UVRAG: variants seen among roughly 807,000 people sequenced by gnomAD.
UVRAG encodes UV radiation resistance-associated gene protein.
Under a neutral mutation model 78.0 loss-of-function variants are expected in UVRAG, and 19 were observed. The observed-to-expected ratio is 0.24, with a 90% CI of 0.17 to 0.36. The LOEUF is 0.36. Among genes scored for constraint, UVRAG ranks in the 10% least tolerant of loss-of-function variants. The pLI, the probability that UVRAG is intolerant of heterozygous loss-of-function variation, is 1.00. For synonymous variants in UVRAG, 323 were observed against 324.6 expected (o/e 1.00, Z 0.05); for missense variants, 740 against 853.8 (o/e 0.87, Z 1.66).
Position 76,003,257 on chromosome 11 carries a change from ATTTTTTTTTTTTTTT to A in UVRAG, c.827-731_827-717del, listed in dbSNP as rs398045280. 8.0e-4 allele frequency among the ~76,000 whole-genome samples: 43 copies of A among 53,788 alleles called. 1 individual carries two copies. In the South Asian group the frequency reaches 9.1e-3, roughly 11 times the overall value. 35.3% of individuals were successfully genotyped at this position (53,788 alleles called of 152,430 possible). On this transcript the variant is annotated intron_variant, in intron 8 of 14. Coordinates refer to ENST00000356136, the MANE Select transcript of UVRAG (RefSeq NM_003369.4). ...CACTATGATTTTCACGAAAATACTG[ATTTTTTTTTTTTTTT>A]TTTTTTTTTTTTTTTTGGAGACAGA... is the stretch of plus-strand genomic sequence containing the variant.
chr11:76,009,367 C>A (rs1242494951), intron 11 of UVRAG, among the ~76,000 whole-genome samples: 2 of 152,094 alleles, frequency 1.3e-5, no homozygotes, highest in African/African-American at 2.4e-5. Context: ...AAAGAAATTA[C>A]ATTAAAGGTA....
rs1282880603 is a variant in UVRAG, at chr11:75,815,392, C to T, written c.-16C>T. 4 of 1,216,258 alleles carry T rather than the reference C, an allele frequency of 3.3e-6. No homozygotes were observed. Among genetic ancestry groups the T allele is most frequent in the South Asian group, 3.5e-5 (1 of 28,918 alleles). 75.3% of individuals were successfully genotyped at this position (1,216,258 alleles called of 1,614,324 possible). On this transcript the variant is annotated 5_prime_UTR_variant, in exon 1 of 15. Transcript: ENST00000356136. ...GAAGAGTGCCCGCCCCGCCGCTTGG[C>T]GGCCCCTGGATCGAGATGAGCGCCT... is the stretch of plus-strand genomic sequence containing the variant.
chr11:76,001,932 G>A (rs1176573581), intron 8 of UVRAG, among the ~76,000 whole-genome samples: 1 of 152,180 alleles, frequency 6.6e-6, no homozygotes, highest in Non-Finnish European at 1.5e-5. Flanking sequence ...AGCATGTTTA[G>A]TAAAGATTGA....
In UVRAG at chr11:75,930,927, T is replaced by TTTTCTTTCCTTCTTTC. The variant is rs1555089487; in HGVS notation, c.593+18896_593+18897insCTTCTTTCTTTCTTTC. 5.5e-4 allele frequency: 65 copies of TTTTCTTTCCTTCTTTC among 117,404 alleles called. 1 individual carries two copies. The highest frequency in any genetic ancestry group is 2.0e-3 in the African/African-American group (63 of 31,276). The allele number at this position is 117,404 out of a possible 1,614,324, so 7.3% of individuals were successfully genotyped here. On this transcript the variant is annotated intron_variant, in intron 6 of 14. Coordinates refer to ENST00000356136, the MANE Select transcript of UVRAG (RefSeq NM_003369.4). ...AAATGGAAAAGGTAAAGTGTCGGGA[T>TTTTCTTTCCTTCTTTC]TTTCTTTCTTTCTTTCTTTCTTTCT...
chr11:76,014,716 A>T (rs1950116682), intron 11 of UVRAG, among the ~76,000 whole-genome samples: 1 of 152,194 alleles, frequency 6.6e-6, no homozygotes, highest in Non-Finnish European at 1.5e-5. Flanking sequence ...CAAGCCATTT[A>T]TACCACCTGG....
intron 3 of UVRAG, 120 bp downstream of exon 3, chr11:75,861,900 T>C (rs557577135): frequency 9.3e-5 from 73 of 780,934 alleles, no homozygotes; most frequent in Non-Finnish European, 1.4e-4. Context: ...ACGGATCTGC[T>C]CAATTGTTAA....
intron 6 of UVRAG, among the ~76,000 whole-genome samples, chr11:75,921,288 A>G (rs889709510): frequency 2.0e-5 from 3 of 152,174 alleles, no homozygotes; most frequent in Non-Finnish European, 4.4e-5. Context: ...TATTACTTCA[A>G]TTTTTGTCAG....
chr11:76,052,676 TTGTC>T (rs1950892532), intron 12 of UVRAG, among the ~76,000 whole-genome samples: 1 of 152,278 alleles, frequency 6.6e-6, no homozygotes, highest in East Asian at 1.9e-4. Context: ...CATTAGCAGT[TTGTC>T]TGAGCTTTTC....
At chr11:76,015,219 A>G (rs1242464359) in intron 11 of UVRAG, among the ~76,000 whole-genome samples, 1 of 152,134 alleles carries the variant, frequency 6.6e-6, no homozygotes, top group African/African-American at 2.4e-5. Context: ...AAATTGTTAT[A>G]TGCTGGGCAC....
At chr11:76,131,621 GA>G (rs997247570) in intron 14 of UVRAG, among the ~76,000 whole-genome samples, 1 of 152,160 alleles carries the variant, frequency 6.6e-6, no homozygotes, top group Non-Finnish European at 1.5e-5. Context: ...AGCCCCGGGG[GA>G]AAAGTGACCA....
chr11:76,120,092 G>A (rs547784476), intron 14 of UVRAG, among the ~76,000 whole-genome samples: 85 of 152,206 alleles, frequency 5.6e-4, no homozygotes, highest in Middle Eastern at 6.8e-3. Context: ...TCACCTCATC[G>A]CCTCATAGAG....
At chr11:75,996,086 G>A (rs1173077931) in intron 8 of UVRAG, among the ~76,000 whole-genome samples, 1 of 151,952 alleles carries the variant, frequency 6.6e-6, no homozygotes, top group Non-Finnish European at 1.5e-5. Context: ...TTCCAGTAAT[G>A]TCTTATTTGT....
At chr11:75,838,574 A>G (rs1251748319) in intron 1 of UVRAG, among the ~76,000 whole-genome samples, 1 of 151,952 alleles carries the variant, frequency 6.6e-6, no homozygotes, top group Non-Finnish European at 1.5e-5. Context: ...GCTGGTCTTG[A>G]ACTCCTGGGC....
chr11:76,117,647 C>T (rs1252340944), intron 14 of UVRAG, among the ~76,000 whole-genome samples: 1 of 152,162 alleles, frequency 6.6e-6, no homozygotes, highest in Non-Finnish European at 1.5e-5. Context: ...TTGAACTTAT[C>T]CTCATAATCA....
chr11:76,052,051 C>T (rs1460736382), intron 12 of UVRAG, among the ~76,000 whole-genome samples: 1 of 152,188 alleles, frequency 6.6e-6, no homozygotes, highest in Non-Finnish European at 1.5e-5. Flanking sequence ...TCCACAGGGC[C>T]TTTACACAAG....
intron 12 of UVRAG, 103 bp downstream of exon 12, chr11:76,017,083 A>G (rs1185212424): frequency 7.2e-6 from 6 of 833,724 alleles, no homozygotes; most frequent in Non-Finnish European, 1.0e-5. Context: ...GACAACTTTT[A>G]TATAACCTTT....
intron 6 of UVRAG, among the ~76,000 whole-genome samples, chr11:75,915,867 A>G (rs1205214919): frequency 6.6e-6 from 1 of 152,178 alleles, no homozygotes; most frequent in Non-Finnish European, 1.5e-5. Context: ...CAGGTTTGCA[A>G]TTTAGAATTC....
At chr11:76,050,193 A>G (rs143658425) in intron 12 of UVRAG, among the ~76,000 whole-genome samples, 12 of 152,318 alleles carry the variant, frequency 7.9e-5, no homozygotes, top group African/African-American at 2.2e-4. Flanking sequence ...TCTCAACCAA[A>G]TAATTTTTCT....
chr11:76,065,142 C>A (rs1412093149), intron 12 of UVRAG, among the ~76,000 whole-genome samples: 1 of 152,178 alleles, frequency 6.6e-6, no homozygotes, highest in Non-Finnish European at 1.5e-5. Flanking sequence ...GTATGAGAGC[C>A]TTATGGCATG....
Sources: gnomAD v4.1 joint callset for allele counts (sites outside exome capture counted in the v4.1 genomes callset) on GRCh38, gnomAD v4.1.1 for gene constraint, MANE v1.5 for transcripts, NCBI Gene and HGNC (gene_info 2026-07-23, HGNC 2026-07-21) for gene names.